Variants in SNX21 observed in about 807,000 individuals in gnomAD.
SNX21 encodes sorting nexin-21.
SNX21 carries 36 observed loss-of-function variants against 30.9 expected under a neutral mutation model. The observed-to-expected ratio is 1.16, with a 90% CI of 0.89 to 1.54. SNX21 has a LOEUF of 1.54. Ranked by LOEUF, SNX21 falls within the 40% of genes most tolerant of loss-of-function variation. The pLI, the probability that SNX21 is intolerant of heterozygous loss-of-function variation, is 0.00. For synonymous variants in SNX21, 218 were observed against 222.7 expected (o/e 0.98, Z 0.19); for missense variants, 508 against 516.5 (o/e 0.98, Z 0.16).
intron 3 of SNX21, among the ~76,000 whole-genome samples, chr20:45,839,372 C>T (rs886167804): frequency 4.0e-5 from 6 of 151,788 alleles, no homozygotes; most frequent in South Asian, 2.1e-4. Context: ...AAAAATTAGC[C>T]GGGCGTAGTG....
intron 1 of SNX21, 118 bp from the exon 2 acceptor site, chr20:45,834,083 G>A (rs1271709123): frequency 6.4e-6 from 9 of 1,400,512 alleles, no homozygotes; most frequent in Non-Finnish European, 8.4e-6. Context: ...ACTGCCAGGG[G>A]GTGGGGCCTC....
Position 45,840,914 on chromosome 20 carries a change from G to A in SNX21, c.723G>A (p.Leu241=). 6.2e-7 allele frequency: 1 copy of A among 1,612,576 alleles called. No homozygotes were observed. The highest frequency in any genetic ancestry group is 1.3e-5 in the African/African-American group (1 of 75,048). ...CGGACCTGCAGGACTTCTTCGTGCT[G>A]CCGGAGCTGCGGCGGGCACAGAGCC... ...HAPDLQDFFV[L]PELRRAQSLT... is the part of the protein sequence containing the mutation. The change falls in exon 4 of 4, where the codon CTG becomes CTA. Residue 241 remains leucine, a synonymous_variant. Coordinates refer to ENST00000491381, the MANE Select transcript of SNX21 (RefSeq NM_033421.4).
At chr20:45,837,293 T>C (rs1241032374) in intron 3 of SNX21, among the ~76,000 whole-genome samples, 1 of 152,238 alleles carries the variant, frequency 6.6e-6, no homozygotes, top group East Asian at 1.9e-4. Flanking sequence ...ACTAGTTCCC[T>C]GGAATGTTAA....
chr20:45,834,546 G>A, intron 2 of SNX21, 78 bp downstream of exon 2: 2 of 1,472,620 alleles, frequency 1.4e-6, no homozygotes, highest in Non-Finnish European at 1.8e-6. Context: ...AGAGCATCCA[G>A]GGCGCTAAGT....
In SNX21 at chr20:45,841,679, C is replaced by G. The variant is rs963643845; in HGVS notation, c.*366C>G. 7.0e-7 allele frequency: 1 copy of G among 1,423,574 alleles called. No homozygotes were observed. The highest frequency in any genetic ancestry group is 1.4e-5 in the African/African-American group (1 of 69,398). The allele number at this position is 1,423,574 out of a possible 1,614,324, so 88.2% of individuals were successfully genotyped here. A position where few individuals can be genotyped will look rare whatever the true frequency, so the allele number is the denominator to read the frequency against. On this transcript the variant is annotated 3_prime_UTR_variant, in exon 4 of 4. Transcript: ENST00000491381. Reference sequence around the variant, plus strand: ...GAGTCCTGGAGTTAAGGGATGAAGGCAAGGCTGCAGGTCTGGCCCAGGGGA... The same window carrying G: ...GAGTCCTGGAGTTAAGGGATGAAGGGAAGGCTGCAGGTCTGGCCCAGGGGA...
Position 45,840,684 on chromosome 20 carries a change from C to T in SNX21, c.493C>T (p.Pro165Ser). The change falls in exon 4 of 4, where the codon CCA becomes TCA. Residue 165 changes from proline (P) to serine (S), a missense_variant. Pro to Ser is a moderately conservative substitution (Grantham distance 74). Transcript: ENST00000491381. ...VIGPGPPDCQ[P>S]AQISRRYSDF... The stretch of plus-strand genomic sequence containing the variant: ...CGGCCCAGGACCGCCAGATTGCCAG[C>T]CAGCCCAGATCTCTCGCCGTTACTC... 6.2e-7 allele frequency: 1 copy of T among 1,614,180 alleles called. No homozygotes were observed. Among genetic ancestry groups the T allele is most frequent in the South Asian group, 1.1e-5 (1 of 91,086 alleles).
At position 45,842,087 on chromosome 20, in the gene SNX21, C is replaced by T. The variant is rs370999433; in HGVS notation, c.*774C>T. 3.9e-5 allele frequency: 60 copies of T among 1,538,280 alleles called. No individual in the cohort carries two copies. In the African/African-American group the frequency reaches 7.7e-4, roughly 20 times the overall value. On this transcript the variant is annotated 3_prime_UTR_variant, in exon 4 of 4. Coordinates refer to ENST00000491381, the MANE Select transcript of SNX21 (RefSeq NM_033421.4). ...AGCGCCTGGGTTCAAGGGATCCTCC[C>T]GCCTCAGCCTCCTGAGCAGCTGGGA...
intron 3 of SNX21, 197 bp from the exon 4 acceptor site, chr20:45,840,442 T>C: frequency 6.2e-7 from 1 of 1,614,196 alleles, no homozygotes; most frequent in Non-Finnish European, 8.5e-7. Context: ...GCCTGGGTCA[T>C]TTCAGACAAA....
At position 45,833,877 on chromosome 20, in the gene SNX21, C is replaced by A; in HGVS notation, c.-43C>A. 7.5e-7 allele frequency: 1 copy of A among 1,336,700 alleles called. No homozygotes were observed. The highest frequency in any genetic ancestry group is 9.6e-7 in the Non-Finnish European group (1 of 1,042,494). The allele number at this position is 1,336,700 out of a possible 1,614,324, so 82.8% of individuals were successfully genotyped here. ...GAACCCGGCCGACCTCCATGGGCTG[C>A]GGGGGGCTGCACCCGGACCCCTGGG... On this transcript the variant is annotated 5_prime_UTR_variant, in exon 1 of 4. It introduces an in-frame stop codon into an upstream open reading frame of the 5' UTR. Coordinates refer to ENST00000491381, the MANE Select transcript of SNX21 (RefSeq NM_033421.4).
rs1425008196 is a variant in SNX21, at chr20:45,834,171, C to A, written c.22-30C>A. 23 of 1,465,344 alleles carry A rather than the reference C, an allele frequency of 1.6e-5. No individual in the cohort carries two copies. The East Asian group carries it at 5.4e-4, about 35-fold the overall frequency. The allele number at this position is 1,465,344 out of a possible 1,614,324, so 90.8% of individuals were successfully genotyped here. A position where few individuals can be genotyped will look rare whatever the true frequency, so the allele number is the denominator to read the frequency against. On this transcript the variant is annotated intron_variant, in intron 1 of 3. Transcript: ENST00000491381. ...GGCTGGGGTACCCCTCCTCCGGGAT[C>A]CGGTACACAGCGTCGCGCGCTCCCC...
chr20:45,840,332 C>G, intron 3 of SNX21: 1 of 1,532,862 alleles, frequency 6.5e-7, no homozygotes, highest in Non-Finnish European at 8.7e-7. Flanking sequence ...AGGGGGCTGT[C>G]AGAAGAACTA....
Position 45,841,639 on chromosome 20 carries a change from G to A in SNX21, c.*326G>A, listed in dbSNP as rs1247423756. 1.4e-6 allele frequency: 2 copies of A among 1,413,694 alleles called. No homozygotes were observed. Among genetic ancestry groups the A allele is most frequent in the African/African-American group, 1.4e-5 (1 of 69,284 alleles). 87.6% of individuals were successfully genotyped at this position (1,413,694 alleles called of 1,614,324 possible). ...GGCAAGGCCTCTTGGCTGAAGGCCA[G>A]GGACTCTGCCCCTGGAGTCCTGGAG... is the stretch of plus-strand genomic sequence containing the variant. On this transcript the variant is annotated 3_prime_UTR_variant, in exon 4 of 4. Coordinates refer to ENST00000491381, the MANE Select transcript of SNX21 (RefSeq NM_033421.4).
intron 3 of SNX21, among the ~76,000 whole-genome samples, chr20:45,835,534 C>CAGTTGTTTGACTCTGGGTG (rs1983459201): frequency 6.6e-6 from 1 of 152,156 alleles, no homozygotes. Flanking sequence ...CACTTATTTC[C>CAGTTGTTTGACTCTGGGTG]AGTTGTTTGA....
In SNX21 at chr20:45,842,088, G is replaced by C; in HGVS notation, c.*775G>C. On this transcript the variant is annotated 3_prime_UTR_variant, in exon 4 of 4. Coordinates refer to ENST00000491381, the MANE Select transcript of SNX21 (RefSeq NM_033421.4). ...GCGCCTGGGTTCAAGGGATCCTCCC[G>C]CCTCAGCCTCCTGAGCAGCTGGGAT... The C allele has an allele frequency of 6.5e-7, 1 of 1,537,572 alleles. No individual in the cohort carries two copies. The highest frequency in any genetic ancestry group is 8.7e-7 in the Non-Finnish European group (1 of 1,146,836).
intron 3 of SNX21, among the ~76,000 whole-genome samples, chr20:45,836,490 CAAAAAAAAA>C (rs74176824): frequency 1.9e-4 from 10 of 51,336 alleles, no homozygotes; most frequent in Admixed American, 6.3e-4. Context: ...GACTCCGTCT[CAAAAAAAAA>C]AAAAAAAAAA....
chr20:45,833,960 C>T lies in SNX21; in HGVS notation c.21+20C>T, dbSNP rs1983237226. 2 of 1,441,958 alleles carry T rather than the reference C, an allele frequency of 1.4e-6. No homozygotes were observed. Among genetic ancestry groups the T allele is most frequent in the Non-Finnish European group, 1.8e-6 (2 of 1,101,454 alleles). The allele number at this position is 1,441,958 out of a possible 1,614,324, so 89.3% of individuals were successfully genotyped here. Reference sequence around the variant, plus strand: ...CAGGAGGTAGAGGCGCACGAGGCGGCGCAAGAGACATCGGGAGGGTCCTGA... The same window carrying T: ...CAGGAGGTAGAGGCGCACGAGGCGGTGCAAGAGACATCGGGAGGGTCCTGA... On this transcript the variant is annotated intron_variant, in intron 1 of 3. Coordinates refer to ENST00000491381, the MANE Select transcript of SNX21 (RefSeq NM_033421.4).
rs1029710013 is a variant in SNX21, at chr20:45,841,174, C to T, written c.983C>T (p.Ala328Val). The T allele has an allele frequency of 8.1e-6, 13 of 1,613,862 alleles. No individual in the cohort carries two copies. The highest frequency in any genetic ancestry group is 1.1e-5 in the Non-Finnish European group (13 of 1,179,982). Residue 328 changes from alanine (A) to valine (V), a missense_variant, in exon 4 of 4, where the codon GCC (alanine) becomes GTC (valine). Ala to Val is a moderately conservative substitution (Grantham distance 64). Transcript: ENST00000491381. ...LHPLLAPFLEAHVRLSWRLGL... is the reference protein window; with the variant it reads ...LHPLLAPFLEVHVRLSWRLGL... ...CCTTTGCTGGCACCCTTTCTGGAGG[C>T]CCATGTCCGGCTCTCCTGGCGCCTG...
intron 2 of SNX21, 39 bp downstream of exon 2, chr20:45,834,507 G>T (rs748356891): frequency 6.4e-6 from 10 of 1,550,462 alleles, no homozygotes; most frequent in Non-Finnish European, 7.8e-6. Flanking sequence ...CCTGGGGCTC[G>T]ATTAGGCCTC....
In SNX21 at chr20:45,841,620, G is replaced by A. The variant is rs557301163; in HGVS notation, c.*307G>A. 2.1e-6 allele frequency: 3 copies of A among 1,405,126 alleles called. No homozygotes were observed. Among genetic ancestry groups the A allele is most frequent in the Middle Eastern group, 2.6e-4 (1 of 3,806 alleles). 87.0% of individuals were successfully genotyped at this position (1,405,126 alleles called of 1,614,324 possible). A position where few individuals can be genotyped will look rare whatever the true frequency, so the allele number is the denominator to read the frequency against. ...GTTGGTGGGCCCCCAAGCTGGCAAG[G>A]CCTCTTGGCTGAAGGCCAGGGACTC... On this transcript the variant is annotated 3_prime_UTR_variant, in exon 4 of 4. Transcript: ENST00000491381.
Sources: gnomAD v4.1 joint callset for allele counts (sites outside exome capture counted in the v4.1 genomes callset) on GRCh38, gnomAD v4.1.1 for gene constraint, MANE v1.5 for transcripts, NCBI Gene and HGNC (gene_info 2026-07-23, HGNC 2026-07-21) for gene names.